PALLD: variants seen among roughly 807,000 people sequenced by gnomAD.
PALLD encodes palladin, cytoskeletal associated protein, also known as palladin.
PALLD carries 61 observed loss-of-function variants against 123.5 expected under a neutral mutation model. The ratio of observed to expected loss-of-function variants is 0.49; its 90% CI spans 0.40 to 0.61. The LOEUF (loss-of-function observed/expected upper bound fraction) is 0.61. PALLD is among the 20% of genes least tolerant of loss of function. The probability of loss-of-function intolerance (pLI) is 0.00; values close to 1 mark genes in which losing one functional copy is unlikely to be tolerated. For missense variants in PALLD, 1,273 were observed against 1,377.0 expected (o/e 0.92, Z 1.20); for synonymous variants, 465 against 496.4 (o/e 0.94, Z 0.84).
At chr4:168,677,781 T>C (rs1360554807) in intron 3 of PALLD, 1 of 152,292 alleles carries the variant, frequency 6.6e-6, no homozygotes, top group Admixed American at 6.5e-5. Context: ...TAACTTGTTT[T>C]TGATGGTTTG....
chr4:168,861,614 C>T (rs569273465), intron 10 of PALLD, among the ~76,000 whole-genome samples: 2 of 151,966 alleles, frequency 1.3e-5, no homozygotes, highest in East Asian at 3.9e-4. Flanking sequence ...TCCTATGATT[C>T]CTTCTTGAAA....
At chr4:168,546,536 A>C (rs1399989993) in intron 2 of PALLD, among the ~76,000 whole-genome samples, 1 of 152,124 alleles carries the variant, frequency 6.6e-6, no homozygotes, top group African/African-American at 2.4e-5. Flanking sequence ...CTGGGATTTG[A>C]ACTTGAAGAT....
chr4:168,839,667 C>T (rs998805451), intron 10 of PALLD, among the ~76,000 whole-genome samples: 10 of 151,934 alleles, frequency 6.6e-5, no homozygotes, highest in Non-Finnish European at 1.0e-4. Flanking sequence ...TAGATGGAGC[C>T]GCCGTTTTAC....
intron 2 of PALLD, among the ~76,000 whole-genome samples, chr4:168,574,149 C>T (rs1769284502): frequency 2.0e-5 from 3 of 152,030 alleles, no homozygotes; most frequent in Admixed American, 6.6e-5. Flanking sequence ...TAGTTAAAAA[C>T]ATGACTTTCA....
At chr4:168,712,557 G>A (rs1784934402) in intron 10 of PALLD, among the ~76,000 whole-genome samples, 1 of 152,172 alleles carries the variant, frequency 6.6e-6, no homozygotes, top group Non-Finnish European at 1.5e-5. Flanking sequence ...TGCATGAGCT[G>A]TTTCCATTGG....
At position 168,878,218 on chromosome 4, in the gene PALLD, A is replaced by G. The variant is rs863224386; in HGVS notation, c.1965-12704A>G. Reference sequence around the variant, plus strand: ...CCTTCCCGGTGCCCGACGTGTTCCCACTGCCGCCGCCACCACCGCCGCTCC... The same window carrying G: ...CCTTCCCGGTGCCCGACGTGTTCCCGCTGCCGCCGCCACCACCGCCGCTCC... On this transcript the variant is annotated intron_variant, in intron 10 of 21. Coordinates refer to ENST00000505667, the MANE Select transcript of PALLD (RefSeq NM_001166108.2). The G allele has an allele frequency of 6.9e-7, 1 of 1,454,714 alleles. No homozygotes were observed. The allele number at this position is 1,454,714 out of a possible 1,614,324, so 90.1% of individuals were successfully genotyped here.
At chr4:168,687,912 A>G (rs984486796) in intron 6 of PALLD, among the ~76,000 whole-genome samples, 6 of 152,166 alleles carry the variant, frequency 3.9e-5, no homozygotes, top group African/African-American at 1.4e-4. Context: ...CTGGAAGCTC[A>G]GAGCCACTGA....
intron 10 of PALLD, among the ~76,000 whole-genome samples, chr4:168,881,727 G>T (rs1752636448): frequency 6.6e-6 from 1 of 152,038 alleles, no homozygotes; most frequent in African/African-American, 2.4e-5. Context: ...AAATCTGTTT[G>T]CACTTTTATA....
At chr4:168,563,444 C>T (rs1301673314) in intron 2 of PALLD, among the ~76,000 whole-genome samples, 1 of 152,188 alleles carries the variant, frequency 6.6e-6, no homozygotes, top group African/African-American at 2.4e-5. Context: ...TATTACATCA[C>T]TCCATCTCCA....
intron 2 of PALLD, among the ~76,000 whole-genome samples, chr4:168,620,972 AT>A (rs1774710181): frequency 6.6e-6 from 1 of 152,276 alleles, no homozygotes; most frequent in African/African-American, 2.4e-5. Flanking sequence ...CTTGTTTAAA[AT>A]ACAGAGAGCC....
chr4:168,583,827 A>C (rs924781653), intron 2 of PALLD, among the ~76,000 whole-genome samples: 4 of 152,160 alleles, frequency 2.6e-5, no homozygotes, highest in African/African-American at 9.7e-5. Context: ...TACCAAGCCT[A>C]GTTCTCAGGT....
chr4:168,574,262 T>G (rs1769296734), intron 2 of PALLD, among the ~76,000 whole-genome samples: 1 of 152,004 alleles, frequency 6.6e-6, no homozygotes, highest in South Asian at 2.1e-4. Flanking sequence ...GATTATAAAT[T>G]ATTGTGCTTT....
At chr4:168,517,391 A>T (rs1763088023) in intron 2 of PALLD, among the ~76,000 whole-genome samples, 1 of 152,212 alleles carries the variant, frequency 6.6e-6, no homozygotes, top group Non-Finnish European at 1.5e-5. Flanking sequence ...CTACTAGGTC[A>T]TCATTGTTAG....
intron 2 of PALLD, among the ~76,000 whole-genome samples, chr4:168,544,684 T>C (rs1765970934): frequency 6.6e-6 from 1 of 152,232 alleles, no homozygotes; most frequent in Admixed American, 6.5e-5. Flanking sequence ...TCAGCATTTG[T>C]AGAAAATTTT....
chr4:168,525,274 T>C (rs1247955675), intron 2 of PALLD, among the ~76,000 whole-genome samples: 1 of 152,176 alleles, frequency 6.6e-6, no homozygotes, highest in East Asian at 1.9e-4. Context: ...TTTTACGAAA[T>C]AAATAATTTT....
At chr4:168,714,820 T>G in intron 10 of PALLD, among the ~76,000 whole-genome samples, 1 of 151,654 alleles carries the variant, frequency 6.6e-6, no homozygotes, top group Non-Finnish European at 1.5e-5. Context: ...TGGTGTCTGA[T>G]GTGTCAGATG....
intron 5 of PALLD, among the ~76,000 whole-genome samples, chr4:168,684,998 T>TA (rs906769683): frequency 1.3e-4 from 19 of 151,648 alleles, no homozygotes; most frequent in Middle Eastern, 3.4e-3. Flanking sequence ...TGCACGTCAA[T>TA]AAAAAAAAAT....
At chr4:168,723,467 A>C (rs1786226544) in intron 10 of PALLD, among the ~76,000 whole-genome samples, 2 of 152,222 alleles carry the variant, frequency 1.3e-5, no homozygotes, top group African/African-American at 4.8e-5. Context: ...AAAAGGTTTG[A>C]GGAAGCAGAG....
chr4:168,780,428 G>A (rs1581432382), intron 10 of PALLD, among the ~76,000 whole-genome samples: 1 of 152,126 alleles, frequency 6.6e-6, no homozygotes, highest in African/African-American at 2.4e-5. Flanking sequence ...CTAGCTTTAT[G>A]AAAAATGAGA....
Sources: allele counts gnomAD v4.1 joint callset (sites outside exome capture counted in the v4.1 genomes callset), GRCh38; gene constraint gnomAD v4.1.1; transcripts MANE v1.5; gene names NCBI Gene and HGNC (gene_info 2026-07-23, HGNC 2026-07-21).